MDGA2: variants seen among roughly 807,000 people sequenced by gnomAD.
The protein encoded by MDGA2 is MAM domain-containing glycosylphosphatidylinositol anchor protein 2.
Under a neutral mutation model 117.8 loss-of-function variants are expected in MDGA2, and 40 were observed. The observed-to-expected ratio is 0.34, with a 90% CI of 0.26 to 0.44. The LOEUF is 0.44. Among genes scored for constraint, MDGA2 ranks in the 20% least tolerant of loss-of-function variants. The pLI is 1.00. For synonymous variants in MDGA2, 452 were observed against 439.0 expected, an observed-to-expected ratio of 1.03 and a Z score of -0.37; for missense variants, 1,123 against 1,250.6, an observed-to-expected ratio of 0.90 and a Z score of 1.54.
Position 46,873,499 on chromosome 14 carries a change from G to C in MDGA2, c.2686C>G (p.Pro896Ala), listed in dbSNP as rs766880833. 19 of 1,612,544 alleles carry C rather than the reference G, an allele frequency of 1.2e-5. No homozygotes were observed. In the Admixed American group the frequency reaches 2.5e-4, roughly 21 times the overall value. Residue 896 changes from proline (P) to alanine (A), a missense_variant, in exon 14 of 17, where the codon CCT becomes GCT. Physicochemically the swap from Pro to Ala is conservative, Grantham distance 27. Coordinates refer to ENST00000399232, the MANE Select transcript of MDGA2 (RefSeq NM_001113498.3). ...TATGCAGTGTTTGTGGGTCCATAAGGGTTTTTGGGAGCTATGCTGAAAACA... is the reference window on the plus strand; with the variant it reads ...TATGCAGTGTTTGTGGGTCCATAAGCGTTTTTGGGAGCTATGCTGAAAACA... The part of the protein sequence containing the change: ...SPVFSIAPKN[P>A]YGPTNTAYCF...
At chr14:47,393,329 C>T (rs184092243) in intron 1 of MDGA2, among the ~76,000 whole-genome samples, 41 of 151,488 alleles carry the variant, frequency 2.7e-4, no homozygotes, top group Non-Finnish European at 5.6e-4. Context: ...ACCAGAATCC[C>T]TATTTATTTT....
intron 1 of MDGA2, among the ~76,000 whole-genome samples, chr14:47,576,945 C>T (rs1326311229): frequency 6.6e-6 from 1 of 152,046 alleles, no homozygotes; most frequent in African/African-American, 2.4e-5. Flanking sequence ...GAGATGTGGT[C>T]TCACTATATT....
intron 9 of MDGA2, among the ~76,000 whole-genome samples, chr14:46,954,158 T>C (rs149408253): frequency 6.6e-6 from 1 of 152,162 alleles, no homozygotes; most frequent in Non-Finnish European, 1.5e-5. Flanking sequence ...CTTCTTGCAG[T>C]TGTAAGCTTA....
intron 1 of MDGA2, among the ~76,000 whole-genome samples, chr14:47,338,390 C>T (rs1401115513): frequency 6.6e-6 from 1 of 151,666 alleles, no homozygotes; most frequent in East Asian, 1.9e-4. Context: ...GGATAGACTA[C>T]ATATCTTGCT....
chr14:47,313,349 T>C (rs1889703178), intron 1 of MDGA2, among the ~76,000 whole-genome samples: 1 of 152,142 alleles, frequency 6.6e-6, no homozygotes, highest in African/African-American at 2.4e-5. Context: ...CTTGGCTCAC[T>C]GCAGACTTAA....
chr14:47,342,256 T>TTATATA (rs10536485), intron 1 of MDGA2, among the ~76,000 whole-genome samples: 273 of 134,056 alleles, frequency 2.0e-3, no homozygotes, highest in African/African-American at 6.8e-3. Context: ...CACAAAATGT[T>TTATATA]TATATATATA....
chr14:47,311,930 G>A (rs1050012306), intron 1 of MDGA2, among the ~76,000 whole-genome samples: 2 of 151,922 alleles, frequency 1.3e-5, no homozygotes, highest in African/African-American at 4.8e-5. Flanking sequence ...TTGGGGATTT[G>A]GGGAGCAAGA....
At chr14:47,470,041 A>G (rs1893688190) in intron 1 of MDGA2, among the ~76,000 whole-genome samples, 1 of 152,118 alleles carries the variant, frequency 6.6e-6, no homozygotes, top group Non-Finnish European at 1.5e-5. Flanking sequence ...GCTCCATCAC[A>G]GTGGCAGCTA....
intron 1 of MDGA2, among the ~76,000 whole-genome samples, chr14:47,318,810 G>GAAAGC (rs1889889890): frequency 6.7e-6 from 1 of 150,058 alleles, no homozygotes; most frequent in Non-Finnish European, 1.5e-5. Flanking sequence ...AGGGAGGAAA[G>GAAAGC]AAGGAAGGAA....
intron 1 of MDGA2, among the ~76,000 whole-genome samples, chr14:47,504,807 A>C (rs557765307): frequency 3.3e-4 from 50 of 152,312 alleles, no homozygotes; most frequent in African/African-American, 1.2e-3. Context: ...AAAACTAAAA[A>C]TTCAACTATC....
At chr14:47,307,852 T>C (rs1279853031) in intron 1 of MDGA2, among the ~76,000 whole-genome samples, 2 of 151,822 alleles carry the variant, frequency 1.3e-5, no homozygotes, top group African/African-American at 2.4e-5. Flanking sequence ...TAGAGGAGAG[T>C]TCTATAGGAG....
intron 3 of MDGA2, among the ~76,000 whole-genome samples, chr14:47,216,853 C>A (rs1041859280): frequency 2.0e-5 from 3 of 152,100 alleles, no homozygotes; most frequent in African/African-American, 4.8e-5. Context: ...TCAACCTGTG[C>A]ACCCATAATA....
chr14:47,195,061 A>C (rs1456320025), intron 3 of MDGA2, among the ~76,000 whole-genome samples: 1 of 152,054 alleles, frequency 6.6e-6, no homozygotes, highest in Non-Finnish European at 1.5e-5. Context: ...TACAATTCTC[A>C]TATTTTGGCA....
intron 1 of MDGA2, among the ~76,000 whole-genome samples, chr14:47,307,694 A>G (rs909243521): frequency 3.3e-5 from 5 of 151,356 alleles, no homozygotes; most frequent in Admixed American, 2.6e-4. Flanking sequence ...TGGGGGGGAA[A>G]AAAAAAGGCA....
At chr14:47,387,231 C>A (rs1013688155) in intron 1 of MDGA2, among the ~76,000 whole-genome samples, 2 of 152,110 alleles carry the variant, frequency 1.3e-5, no homozygotes, top group African/African-American at 4.8e-5. Flanking sequence ...AATCAGCATC[C>A]TTTCTTCAGT....
intron 3 of MDGA2, among the ~76,000 whole-genome samples, chr14:47,155,557 A>G (rs951684999): frequency 6.6e-6 from 1 of 152,096 alleles, no homozygotes; most frequent in Non-Finnish European, 1.5e-5. Flanking sequence ...GCGGCCTAGC[A>G]GGGAGCCAAC....
chr14:47,348,798 G>A lies in MDGA2; in HGVS notation c.281-47248C>T, dbSNP rs186900546. On this transcript the variant is annotated intron_variant, in intron 1 of 16. Transcript: ENST00000399232. ...GAACTTAAGAAAATTTTATTTTAGC[G>A]GCTTCTGTTAATCTAAAAGTCATTG... Among the ~76,000 whole-genome samples the A allele has an allele frequency of 1.7e-4, 26 of 152,226 alleles. No homozygotes were observed. In the East Asian group the frequency reaches 4.1e-3, roughly 24 times the overall value.
intron 8 of MDGA2, among the ~76,000 whole-genome samples, chr14:46,960,739 TATATGTGTATATGCACAC>T (rs968309010): frequency 6.6e-6 from 1 of 150,406 alleles, no homozygotes; most frequent in African/African-American, 2.4e-5. Context: ...ATTTTATATG[TATATGTGTATATGCACAC>T]ATATGTAGAA....
chr14:46,859,227 A>G lies in MDGA2; in HGVS notation c.2753-4073T>C, dbSNP rs577859631. ...TTATGAGATCTCTACACTCTCATGAAGTTTCATGGCTGAGACTTCAATATT... is the reference window on the plus strand; with the variant it reads ...TTATGAGATCTCTACACTCTCATGAGGTTTCATGGCTGAGACTTCAATATT... On this transcript the variant is annotated intron_variant, in intron 14 of 16. Coordinates refer to ENST00000399232, the MANE Select transcript of MDGA2 (RefSeq NM_001113498.3). Among the ~76,000 whole-genome samples the G allele has an allele frequency of 3.3e-5, 5 of 152,214 alleles. No individual in the cohort carries two copies. In the South Asian group the frequency reaches 1.0e-3, roughly 32 times the overall value.
Sources: allele counts gnomAD v4.1 joint callset (sites outside exome capture counted in the v4.1 genomes callset), GRCh38; gene constraint gnomAD v4.1.1; transcripts MANE v1.5; gene names NCBI Gene and HGNC (gene_info 2026-07-23, HGNC 2026-07-21).